Variants in CPAP observed in about 807,000 individuals in gnomAD.
The protein encoded by CPAP is centrosomal P4.1-associated protein.
chr13:24,908,626 C>G, the CPAP span, among the ~76,000 whole-genome samples: 6 of 151,860 alleles, frequency 4.0e-5, no homozygotes, highest in Non-Finnish European at 5.9e-5. Flanking sequence ...AGACACTTGA[C>G]ATTCTTCAAA....
At chr13:24,917,078 G>A in the CPAP span, among the ~76,000 whole-genome samples, 41 of 152,058 alleles carry the variant, frequency 2.7e-4, no homozygotes, top group African/African-American at 7.2e-4. Flanking sequence ...GTGAAACCCC[G>A]TCTCTACTAA....
chr13:24,896,070 G>T, the CPAP span, among the ~76,000 whole-genome samples: 1 of 152,162 alleles, frequency 6.6e-6, no homozygotes, highest in Non-Finnish European at 1.5e-5. Context: ...TGTTTTTAAA[G>T]TATATTTTTG....
At chr13:24,890,787 C>A in the CPAP span, among the ~76,000 whole-genome samples, 1 of 152,102 alleles carries the variant, frequency 6.6e-6, no homozygotes, top group East Asian at 1.9e-4. Flanking sequence ...GCACCTCCCG[C>A]CTCTGGGCAC....
chr13:24,882,952 A>G, the CPAP span: 1 of 544,910 alleles, frequency 1.8e-6, no homozygotes, highest in Non-Finnish European at 3.3e-6. Flanking sequence ...TAAACAGTCA[A>G]AATGCTTTCC....
the CPAP span, among the ~76,000 whole-genome samples, chr13:24,901,686 T>C: frequency 5.9e-5 from 9 of 152,202 alleles, no homozygotes; most frequent in African/African-American, 2.2e-4. Flanking sequence ...AAGATGTCTA[T>C]TATGTTGTTG....
chr13:24,888,181 G>A, the CPAP span, among the ~76,000 whole-genome samples: 1 of 152,098 alleles, frequency 6.6e-6, no homozygotes, highest in African/African-American at 2.4e-5. Context: ...CCTGAGGATT[G>A]AGAAGAATTA....
chr13:24,912,451 G>T, the CPAP span: 1 of 777,992 alleles, frequency 1.3e-6, no homozygotes, highest in East Asian at 2.6e-5. Context: ...ATTAGACAAA[G>T]GGCAAAATCT....
chr13:24,930,947 C>G, the CPAP span, among the ~76,000 whole-genome samples: 5 of 152,314 alleles, frequency 3.3e-5, no homozygotes, highest in East Asian at 9.6e-4. Context: ...ATAAGCATTT[C>G]CTTTTCTCTG....
chr13:24,928,357 C>T, the CPAP span, among the ~76,000 whole-genome samples: 11 of 152,226 alleles, frequency 7.2e-5, no homozygotes, highest in Non-Finnish European at 1.5e-4. Flanking sequence ...AAACCACACC[C>T]TCCTTTACCT....
chr13:24,925,151 A>C, the CPAP span, among the ~76,000 whole-genome samples: 1 of 152,010 alleles, frequency 6.6e-6, no homozygotes, highest in Non-Finnish European at 1.5e-5. Flanking sequence ...TTCATTATTT[A>C]TTTTTTTGGA....
chr13:24,929,723 A>C, the CPAP span, among the ~76,000 whole-genome samples: 2 of 151,586 alleles, frequency 1.3e-5, no homozygotes, highest in Admixed American at 6.6e-5. Flanking sequence ...TTACCCTCTT[A>C]TTTCTTTCTG....
At chr13:24,928,479 G>C in the CPAP span, among the ~76,000 whole-genome samples, 4 of 152,206 alleles carry the variant, frequency 2.6e-5, no homozygotes, top group African/African-American at 9.7e-5. Context: ...TGCCCAGGCT[G>C]GTGTCCAGTG....
At chr13:24,899,451 A>C in the CPAP span, 1 of 1,613,736 alleles carries the variant, frequency 6.2e-7, no homozygotes, top group African/African-American at 1.3e-5. Flanking sequence ...TTATCTGGAA[A>C]AGTTCTTGCA....
At chr13:24,919,044 GAGATAGAAATGAAAAGAAAAA>G in the CPAP span, among the ~76,000 whole-genome samples, 1 of 151,782 alleles carries the variant, frequency 6.6e-6, no homozygotes, top group Non-Finnish European at 1.5e-5. Context: ...GGGAGAGAAA[GAGATAGAAATGAAAAGAAAAA>G]AGAAAATTAT....
chr13:24,910,179 C>T, the CPAP span: 1 of 1,107,442 alleles, frequency 9.0e-7, no homozygotes, highest in Non-Finnish European at 1.4e-6. Context: ...AAGACTTCTC[C>T]ACAGTGACAA....
chr13:24,916,185 G>A, the CPAP span, among the ~76,000 whole-genome samples: 1 of 152,192 alleles, frequency 6.6e-6, no homozygotes, highest in Non-Finnish European at 1.5e-5. Flanking sequence ...GATGAGGATG[G>A]AGAAAGGGGA....
chr13:24,883,138 A>G, the CPAP span: 1 of 1,543,658 alleles, frequency 6.5e-7, no homozygotes, highest in South Asian at 1.1e-5. Flanking sequence ...TTTAACATAA[A>G]AAGTCAGTTA....
the CPAP span, among the ~76,000 whole-genome samples, chr13:24,907,526 A>C: frequency 6.6e-6 from 1 of 152,174 alleles, no homozygotes; most frequent in Non-Finnish European, 1.5e-5. Context: ...TTTAATTAAG[A>C]AAGGCCCTTA....
the CPAP span, among the ~76,000 whole-genome samples, chr13:24,914,054 AC>A: frequency 3.9e-4 from 59 of 152,318 alleles, no homozygotes; most frequent in East Asian, 0.011. Context: ...ACACACACAC[AC>A]GCACACACAC....
Sources: allele counts gnomAD v4.1 joint callset (sites outside exome capture counted in the v4.1 genomes callset), GRCh38; gene constraint gnomAD v4.1.1; transcripts MANE v1.5; gene names NCBI Gene and HGNC (gene_info 2026-07-23, HGNC 2026-07-21).